The following ANKRD62 variants were observed in gnomAD, a reference collection of about 807,000 sequenced individuals.
ANKRD62 encodes the protein ankyrin repeat domain-containing protein 62.
In ANKRD62, 61 loss-of-function variants were observed where a neutral mutation model predicts 98.8. The observed-to-expected ratio is 0.62, with a 90% CI of 0.50 to 0.76. The LOEUF is 0.76. Among genes scored for constraint, ANKRD62 ranks in the 30% least tolerant of loss-of-function variants. The pLI is 0.00. For missense variants in ANKRD62, 933 were observed against 1,082.9 expected (o/e 0.86, Z 1.94); for synonymous variants, 341 against 367.9 (o/e 0.93, Z 0.84).
At chr18:12,095,727 TTTG>T in intron 3 of ANKRD62, 117 bp downstream of exon 3, 1 of 992,756 alleles carries the variant, frequency 1.0e-6, no homozygotes. Flanking sequence ...CGTGCAAATA[TTTG>T]CTTTACATAC....
chr18:12,095,081 C>T (rs1042831416), intron 1 of ANKRD62, 90 bp from the exon 2 acceptor site: 1 of 925,468 alleles, frequency 1.1e-6, no homozygotes, highest in Non-Finnish European at 1.7e-6. Flanking sequence ...AGAGGGATAA[C>T]ATACTATTGG....
intron 5 of ANKRD62, among the ~76,000 whole-genome samples, chr18:12,099,269 C>T (rs1237945427): frequency 6.6e-6 from 1 of 152,160 alleles, no homozygotes; most frequent in African/African-American, 2.4e-5. Flanking sequence ...TTTATAATAA[C>T]CTAGTGAATA....
the ANKRD62 span, among the ~76,000 whole-genome samples, chr18:12,174,784 C>T: frequency 2.0e-5 from 3 of 152,236 alleles, no homozygotes; most frequent in African/African-American, 7.2e-5. Context: ...CTCCCAACTC[C>T]TGAACTACCT....
intron 6 of ANKRD62, chr18:12,101,867 AGAG>A: frequency 1.6e-6 from 1 of 619,628 alleles, no homozygotes; most frequent in Non-Finnish European, 2.9e-6. Flanking sequence ...CTTGTGATTA[AGAG>A]AAGAAGGCTG....
intron 8 of ANKRD62, among the ~76,000 whole-genome samples, chr18:12,114,238 G>A (rs757420483): frequency 2.6e-5 from 4 of 151,942 alleles, no homozygotes; most frequent in Non-Finnish European, 4.4e-5. Flanking sequence ...ACAAAACCCC[G>A]TGACACAAGT....
intron 10 of ANKRD62, among the ~76,000 whole-genome samples, chr18:12,119,939 T>G (rs1054990539): frequency 2.0e-4 from 31 of 152,152 alleles, no homozygotes; most frequent in Admixed American, 1.1e-3. Flanking sequence ...TTTCATCATC[T>G]CTTTGAACCA....
chr18:12,166,771 A>G, the ANKRD62 span, among the ~76,000 whole-genome samples: 119 of 152,250 alleles, frequency 7.8e-4, no homozygotes, highest in Middle Eastern at 3.4e-3. Context: ...CATGTGCCCA[A>G]TGTGCAGGTT....
At chr18:12,160,081 T>C in the ANKRD62 span, among the ~76,000 whole-genome samples, 1 of 152,324 alleles carries the variant, frequency 6.6e-6, no homozygotes, top group East Asian at 1.9e-4. Context: ...TTTCAGGCTA[T>C]AATCATGTCT....
At chr18:12,163,750 T>G in the ANKRD62 span, among the ~76,000 whole-genome samples, 23 of 152,202 alleles carry the variant, frequency 1.5e-4, no homozygotes, top group South Asian at 4.8e-3. Flanking sequence ...CCAGATGCTT[T>G]CTCAGCATCA....
chr18:12,166,525 C>T, the ANKRD62 span, among the ~76,000 whole-genome samples: 1 of 151,990 alleles, frequency 6.6e-6, no homozygotes, highest in Non-Finnish European at 1.5e-5. Flanking sequence ...TTCTGAATTG[C>T]TTCTCTGTGT....
intron 3 of ANKRD62, among the ~76,000 whole-genome samples, chr18:12,095,940 T>C (rs1251857137): frequency 2.0e-5 from 3 of 152,212 alleles, no homozygotes; most frequent in African/African-American, 7.2e-5. Flanking sequence ...CTGTTGAGTA[T>C]GCTGTGCAGC....
chr18:12,163,436 A>G, the ANKRD62 span, among the ~76,000 whole-genome samples: 1 of 152,114 alleles, frequency 6.6e-6, no homozygotes, highest in Non-Finnish European at 1.5e-5. Context: ...TCCAAAGACA[A>G]GATCATATCA....
At chr18:12,123,762 G>T (rs1264874591) in intron 11 of ANKRD62, among the ~76,000 whole-genome samples, 1 of 152,138 alleles carries the variant, frequency 6.6e-6, no homozygotes, top group Non-Finnish European at 1.5e-5. Flanking sequence ...TCTAGTGAAG[G>T]TATCAACTTG....
At chr18:12,111,326 C>T (rs1909533984) in intron 8 of ANKRD62, among the ~76,000 whole-genome samples, 1 of 151,692 alleles carries the variant, frequency 6.6e-6, no homozygotes, top group African/African-American at 2.4e-5. Context: ...ATAATCACAT[C>T]TCAATAGATT....
At position 12,127,802 on chromosome 18, in the gene ANKRD62, C is replaced by T; in HGVS notation, c.2617C>T (p.Leu873=). ...EVDDALNKQL[L]LEAMLEISSE... Reference sequence around the variant, plus strand: ...GGATGATGCCCTGAACAAACAATTGCTGTTAGAAGCTATGCTAGAGATTTC... The same window carrying T: ...GGATGATGCCCTGAACAAACAATTGTTGTTAGAAGCTATGCTAGAGATTTC... The change falls in exon 14 of 14, where the codon CTG becomes TTG. Residue 873 remains leucine (L), a synonymous_variant. Transcript: ENST00000587848. 1 of 1,503,390 alleles carries T rather than the reference C, an allele frequency of 6.7e-7. No individual in the cohort carries two copies. 93.1% of individuals were successfully genotyped at this position (1,503,390 alleles called of 1,614,324 possible). A position where few individuals can be genotyped will look rare whatever the true frequency, so the allele number is the denominator to read the frequency against.
At chr18:12,096,820 A>G (rs1348694364) in intron 4 of ANKRD62, among the ~76,000 whole-genome samples, 3 of 152,308 alleles carry the variant, frequency 2.0e-5, no homozygotes, top group Admixed American at 2.0e-4. Context: ...CTAAGTGACT[A>G]TTAATTGCTA....
intron 7 of ANKRD62, among the ~76,000 whole-genome samples, chr18:12,104,968 C>T (rs1457506083): frequency 6.6e-6 from 1 of 151,914 alleles, no homozygotes. Context: ...TATAATGACA[C>T]AAAAAGTACA....
At chr18:12,174,309 C>T in the ANKRD62 span, among the ~76,000 whole-genome samples, 1,673 of 152,238 alleles carry the variant, frequency 0.011, 23 homozygotes, top group Middle Eastern at 0.054. Flanking sequence ...CTTGGGATTG[C>T]GTTATGAAAT....
chr18:12,118,617 A>G (rs1488420959), intron 10 of ANKRD62, among the ~76,000 whole-genome samples: 1 of 151,784 alleles, frequency 6.6e-6, no homozygotes, highest in Non-Finnish European at 1.5e-5. Context: ...TTAAAAAAAA[A>G]AAAAAAAAAA....
Sources: gnomAD v4.1 joint callset for allele counts (sites outside exome capture counted in the v4.1 genomes callset) on GRCh38, gnomAD v4.1.1 for gene constraint, MANE v1.5 for transcripts, NCBI Gene and HGNC (gene_info 2026-07-23, HGNC 2026-07-21) for gene names.